PDSS2: variants seen among roughly 807,000 people sequenced by gnomAD.
The protein encoded by PDSS2 is decaprenyl diphosphate synthase subunit 2.
PDSS2 carries 31 observed loss-of-function variants against 44.5 expected under a neutral mutation model. That is an observed-to-expected ratio of 0.70 (90% confidence interval 0.52 to 0.94). The LOEUF (loss-of-function observed/expected upper bound fraction) is 0.94. Ranked by LOEUF, PDSS2 falls within the 40% of genes least tolerant of loss-of-function variation. The pLI is 0.00. For missense variants in PDSS2, 452 were observed against 482.2 expected (o/e 0.94, Z 0.59); for synonymous variants, 157 against 180.3 (o/e 0.87, Z 1.03).
intron 2 of PDSS2, among the ~76,000 whole-genome samples, chr6:107,274,666 T>A (rs1426676337): frequency 1.7e-5 from 2 of 115,260 alleles, no homozygotes; most frequent in East Asian, 5.0e-4. Context: ...TATCTCTCTC[T>A]CTTTTTTTTT....
intron 1 of PDSS2, among the ~76,000 whole-genome samples, chr6:107,436,387 C>T (rs1346473929): frequency 6.6e-6 from 1 of 152,142 alleles, no homozygotes; most frequent in Non-Finnish European, 1.5e-5. Flanking sequence ...ACTTAAAAAC[C>T]TATAACCAAT....
chr6:107,314,617 CAG>C (rs1324513061), intron 2 of PDSS2, among the ~76,000 whole-genome samples: 4 of 152,196 alleles, frequency 2.6e-5, no homozygotes, highest in Non-Finnish European at 4.4e-5. Context: ...GTTTATTACA[CAG>C]TGCTCATTAG....
At chr6:107,330,407 T>C (rs1777677268) in intron 2 of PDSS2, among the ~76,000 whole-genome samples, 1 of 152,184 alleles carries the variant, frequency 6.6e-6, no homozygotes, top group South Asian at 2.1e-4. Flanking sequence ...GTTAAGGTGC[T>C]GGGAAACTTC....
intron 1 of PDSS2, among the ~76,000 whole-genome samples, chr6:107,353,953 A>T (rs1352886012): frequency 1.3e-5 from 2 of 152,200 alleles, no homozygotes; most frequent in Non-Finnish European, 2.9e-5. Flanking sequence ...GGTCTTCTTT[A>T]TATAGCATTA....
chr6:107,297,555 GTATT>G, intron 2 of PDSS2, among the ~76,000 whole-genome samples: 1 of 151,662 alleles, frequency 6.6e-6, no homozygotes, highest in Non-Finnish European at 1.5e-5. Context: ...GCTAATTTTT[GTATT>G]TTAGTAGAGA....
At chr6:107,203,183 T>C (rs1313145656) in intron 6 of PDSS2, among the ~76,000 whole-genome samples, 2 of 152,166 alleles carry the variant, frequency 1.3e-5, no homozygotes, top group Non-Finnish European at 2.9e-5. Context: ...AAACTCACCA[T>C]GTCAAGAACC....
intron 1 of PDSS2, among the ~76,000 whole-genome samples, chr6:107,336,814 AAG>A (rs1777907470): frequency 6.7e-6 from 1 of 148,656 alleles, no homozygotes; most frequent in Non-Finnish European, 1.5e-5. Flanking sequence ...GGAAAAGAAA[AAG>A]AGGTGTGTGG....
chr6:107,390,957 T>C (rs531231730), intron 1 of PDSS2, among the ~76,000 whole-genome samples: 20 of 151,982 alleles, frequency 1.3e-4, no homozygotes, highest in African/African-American at 4.6e-4. Flanking sequence ...GATTCTATCA[T>C]AGCTATTTTT....
At chr6:107,174,784 A>G (rs1424450798) in intron 7 of PDSS2, among the ~76,000 whole-genome samples, 6 of 152,222 alleles carry the variant, frequency 3.9e-5, no homozygotes, top group Non-Finnish European at 8.8e-5. Flanking sequence ...AGATTTCTCA[A>G]TCATATGAGA....
At chr6:107,283,615 G>A (rs1444400240) in intron 2 of PDSS2, among the ~76,000 whole-genome samples, 1 of 152,116 alleles carries the variant, frequency 6.6e-6, no homozygotes, top group Non-Finnish European at 1.5e-5. Context: ...AGCTACTTGG[G>A]AGGCTGAGGC....
chr6:107,241,742 C>T (rs1774442767), intron 4 of PDSS2, among the ~76,000 whole-genome samples: 7 of 152,156 alleles, frequency 4.6e-5, no homozygotes. Flanking sequence ...CACATATATG[C>T]TATTTAACAG....
intron 1 of PDSS2, among the ~76,000 whole-genome samples, chr6:107,366,919 T>C (rs1778975915): frequency 6.6e-6 from 1 of 152,158 alleles, no homozygotes; most frequent in Non-Finnish European, 1.5e-5. Context: ...TTCTATATTT[T>C]AGAAAGAAAT....
At chr6:107,275,469 T>C (rs1582880461) in intron 2 of PDSS2, among the ~76,000 whole-genome samples, 3 of 152,240 alleles carry the variant, frequency 2.0e-5, no homozygotes, top group East Asian at 3.9e-4. Flanking sequence ...CTTCCATGCC[T>C]GGCCATGTGA....
At chr6:107,179,670 T>G (rs1771907224) in intron 7 of PDSS2, among the ~76,000 whole-genome samples, 1 of 152,174 alleles carries the variant, frequency 6.6e-6, no homozygotes, top group Non-Finnish European at 1.5e-5. Context: ...CACTGAGCTA[T>G]GCTGCAGGTC....
chr6:107,166,644 G>A (rs1448971395), intron 7 of PDSS2, among the ~76,000 whole-genome samples: 4 of 152,170 alleles, frequency 2.6e-5, no homozygotes, highest in African/African-American at 4.8e-5. Context: ...GATTATAGGC[G>A]TGAGCCACCA....
chr6:107,312,645 A>G (rs1777079204), intron 2 of PDSS2, among the ~76,000 whole-genome samples: 1 of 152,230 alleles, frequency 6.6e-6, no homozygotes, highest in African/African-American at 2.4e-5. Flanking sequence ...GCTATTAGCT[A>G]GCATTACCTA....
intron 1 of PDSS2, among the ~76,000 whole-genome samples, chr6:107,454,018 T>A (rs1320275222): frequency 6.6e-6 from 1 of 151,464 alleles, no homozygotes; most frequent in African/African-American, 2.4e-5. Flanking sequence ...TGTCAACTCA[T>A]CAAGGGACAG....
At chr6:107,389,055 T>C (rs1159854603) in intron 1 of PDSS2, among the ~76,000 whole-genome samples, 2 of 152,160 alleles carry the variant, frequency 1.3e-5, no homozygotes, top group East Asian at 3.9e-4. Context: ...ACATCAGTGG[T>C]TGCCAGGGGT....
At position 107,186,854 on chromosome 6, in the gene PDSS2, G is replaced by A. The variant is rs560237779; in HGVS notation, c.1041+6968C>T. Among the ~76,000 whole-genome samples, 45 of 152,220 alleles carry A rather than the reference G, an allele frequency of 3.0e-4. No individual in the cohort carries two copies. The South Asian group carries it at 8.3e-3, about 28-fold the overall frequency. ...TTTTCAGACAAAATTTGGCTTTTGA[G>A]TTTACAAATACCTATCACTTGGAAA... On this transcript the variant is annotated intron_variant, in intron 7 of 7. Coordinates refer to ENST00000369037, the MANE Select transcript of PDSS2 (RefSeq NM_020381.4).
Sources: allele counts gnomAD v4.1 joint callset (sites outside exome capture counted in the v4.1 genomes callset), GRCh38; gene constraint gnomAD v4.1.1; transcripts MANE v1.5; gene names NCBI Gene and HGNC (gene_info 2026-07-23, HGNC 2026-07-21).